RSF1: variants seen among roughly 807,000 people sequenced by gnomAD.
The protein encoded by RSF1 is HBV pX-associated protein 8.
RSF1 carries 13 observed loss-of-function variants against 145.2 expected under a neutral mutation model. The ratio of observed to expected loss-of-function variants is 0.09; its 90% CI spans 0.06 to 0.14. The LOEUF is 0.14. Among genes scored for constraint, RSF1 ranks in the 10% least tolerant of loss-of-function variants. RSF1 has a pLI of 1.00. For synonymous variants in RSF1, 577 were observed against 592.6 expected (o/e 0.97, Z 0.38); for missense variants, 1,517 against 1,718.2 (o/e 0.88, Z 2.07).
intron 1 of RSF1, 66 bp from the exon 2 acceptor site, chr11:77,764,755 T>G: frequency 9.9e-7 from 1 of 1,010,608 alleles, no homozygotes; most frequent in Non-Finnish European, 1.5e-6. Context: ...TTTAAGATAA[T>G]AAAAAAATAA....
In RSF1 at chr11:77,740,935, T is replaced by A; in HGVS notation, c.374A>T (p.Tyr125Phe). ...GTCATCAAACTGACACTCACAGAGG[T>A]ACTGAAAAATAGTCATAACATGACT... ...SVECKLALLK[Y>F]LCECQFDDNL... Residue 125 changes from tyrosine to phenylalanine, a missense_variant and splice_region_variant, in exon 4 of 16, where the codon TAC (tyrosine) becomes TTC (phenylalanine). Around this residue, in one of 12 missense-constraint regions of RSF1, gnomAD observed 94 missense variants for 143.6 expected, o/e 0.65. Transcript: ENST00000308488. The A allele has an allele frequency of 1.2e-6, 2 of 1,609,024 alleles. No individual in the cohort carries two copies. Among genetic ancestry groups the A allele is most frequent in the Non-Finnish European group, 1.7e-6 (2 of 1,175,790 alleles).
the RSF1 span, among the ~76,000 whole-genome samples, chr11:77,851,834 T>C: frequency 6.6e-6 from 1 of 152,144 alleles, no homozygotes; most frequent in South Asian, 2.1e-4. Context: ...TAAACCTCTT[T>C]TGTTTATAAA....
the RSF1 span, among the ~76,000 whole-genome samples, chr11:77,848,093 T>G: frequency 6.6e-6 from 1 of 152,206 alleles, no homozygotes; most frequent in African/African-American, 2.4e-5. Flanking sequence ...TCCATAGACA[T>G]TCTCACAGAC....
chr11:77,760,739 T>G (rs963587561), intron 2 of RSF1, among the ~76,000 whole-genome samples: 1 of 152,174 alleles, frequency 6.6e-6, no homozygotes, highest in Non-Finnish European at 1.5e-5. Flanking sequence ...CAGATGACAA[T>G]GGGCCTTTCT....
chr11:77,692,004 C>T (rs903235762), intron 8 of RSF1, among the ~76,000 whole-genome samples: 26 of 152,116 alleles, frequency 1.7e-4, no homozygotes, highest in Middle Eastern at 3.2e-3. Context: ...GATTCTGGTG[C>T]CTCAGTTTTC....
intron 1 of RSF1, among the ~76,000 whole-genome samples, chr11:77,814,840 T>C (rs1948766901): frequency 6.6e-6 from 1 of 152,256 alleles, no homozygotes; most frequent in Non-Finnish European, 1.5e-5. Context: ...GTCAGTTTCC[T>C]CTATTATTGT....
upstream of RSF1, among the ~76,000 whole-genome samples, chr11:77,825,646 T>A (rs150168925): frequency 1.4e-3 from 217 of 152,080 alleles, 1 homozygote; most frequent in African/African-American, 3.6e-3. Flanking sequence ...ACAACAGAAT[T>A]CTATTCATTG....
Position 77,805,205 on chromosome 11 carries a change from C to T in RSF1, c.187+15323G>A, listed in dbSNP as rs1948665568. Among the ~76,000 whole-genome samples the T allele has an allele frequency of 2.6e-5, 4 of 152,070 alleles. No homozygotes were observed. In the South Asian group the frequency reaches 6.2e-4, roughly 24 times the overall value. ...AGAATGTCTTGGCAGGGCACAGGCT[C>T]GTGCCTGTACTCCCCATGCTTTGGA... is the stretch of plus-strand genomic sequence containing the variant. On this transcript the variant is annotated intron_variant, in intron 1 of 15. Transcript: ENST00000308488.
At chr11:77,695,487 G>A (rs891698639) in intron 7 of RSF1, among the ~76,000 whole-genome samples, 4 of 152,068 alleles carry the variant, frequency 2.6e-5, no homozygotes, top group African/African-American at 9.7e-5. Flanking sequence ...ACAATCCAAA[G>A]CTATCATTAT....
chr11:77,670,435 A>G (rs1299830740), intron 15 of RSF1, among the ~76,000 whole-genome samples: 2 of 152,140 alleles, frequency 1.3e-5, no homozygotes, highest in African/African-American at 4.8e-5. Context: ...CTGAAATTCA[A>G]CTACTTTCCC....
Position 77,676,785 on chromosome 11 carries a change from C to T in RSF1, c.3341+7G>A, listed in dbSNP as rs1376425458. The T allele has an allele frequency of 6.2e-7, 1 of 1,612,704 alleles. No individual in the cohort carries two copies. Among genetic ancestry groups the T allele is most frequent in the Non-Finnish European group, 8.5e-7 (1 of 1,178,994 alleles). ...TAGGGATCGGGGCCTAGTAGGAGACCACACACCCATCACTGATCTTGAATT... is the reference window on the plus strand; with the variant it reads ...TAGGGATCGGGGCCTAGTAGGAGACTACACACCCATCACTGATCTTGAATT... On this transcript the variant is annotated splice_region_variant and intron_variant, in intron 13 of 15. Transcript: ENST00000308488.
At chr11:77,751,131 T>C (rs1002199910) in intron 2 of RSF1, among the ~76,000 whole-genome samples, 3 of 152,166 alleles carry the variant, frequency 2.0e-5, no homozygotes, top group African/African-American at 7.2e-5. Flanking sequence ...TTTTTAAAGG[T>C]TCCGTATCAG....
intron 1 of RSF1, among the ~76,000 whole-genome samples, chr11:77,787,086 T>C (rs1948463999): frequency 6.6e-6 from 1 of 151,982 alleles, no homozygotes; most frequent in African/African-American, 2.4e-5. Context: ...ATTTGCAGAG[T>C]CCCTCTGAGT....
intron 1 of RSF1, among the ~76,000 whole-genome samples, chr11:77,796,705 G>A (rs574092537): frequency 7.9e-5 from 12 of 152,326 alleles, no homozygotes; most frequent in East Asian, 5.8e-4. Context: ...GATAGGAAGA[G>A]AAGAAGTCAA....
upstream of RSF1, among the ~76,000 whole-genome samples, chr11:77,821,527 G>A (rs1157822526): frequency 2.0e-5 from 3 of 152,156 alleles, no homozygotes; most frequent in Non-Finnish European, 4.4e-5. Context: ...GGAATCGTCG[G>A]AGTGAGGAGT....
chr11:77,818,968 G>A (rs1371733908), intron 1 of RSF1, among the ~76,000 whole-genome samples: 1 of 152,138 alleles, frequency 6.6e-6, no homozygotes, highest in Non-Finnish European at 1.5e-5. Context: ...CAGGTAGAGG[G>A]AATGTGGACA....
chr11:77,725,695 G>A lies in RSF1; in HGVS notation c.583C>T (p.Arg195Ter). ...GCAAGAGTCTCAGCCAACTCGTTTC[G>A]ATTTCTAAACAAGGAAAAAAATAAG... ...GSSWKCIVRN[R>*]NELAETLALL... The change falls in exon 5 of 16, where the codon CGA (arginine) becomes TGA (stop). Residue 195 changes from arginine to a stop codon, truncating the protein, a stop_gained. Coordinates refer to ENST00000308488, the MANE Select transcript of RSF1 (RefSeq NM_016578.4). LOFTEE classifies it high-confidence loss of function. 1.3e-6 allele frequency: 2 copies of A among 1,561,326 alleles called. No homozygotes were observed. The highest frequency in any genetic ancestry group is 1.7e-6 in the Non-Finnish European group (2 of 1,154,844).
chr11:77,726,185 T>C (rs1381452242), intron 4 of RSF1, among the ~76,000 whole-genome samples: 1 of 152,226 alleles, frequency 6.6e-6, no homozygotes. Flanking sequence ...AAACATCAGT[T>C]CCAATAACAC....
intron 1 of RSF1, among the ~76,000 whole-genome samples, chr11:77,781,181 A>G (rs571308135): frequency 9.2e-5 from 14 of 152,118 alleles, no homozygotes; most frequent in Admixed American, 8.5e-4. Context: ...GCTCATTGCA[A>G]CCTTCACCTC....
Sources: gnomAD v4.1 joint callset for allele counts (sites outside exome capture counted in the v4.1 genomes callset) on GRCh38, gnomAD v4.1.1 for gene constraint, gnomAD v4.1.1 regional missense constraint, MANE v1.5 for transcripts, NCBI Gene and HGNC (gene_info 2026-07-23, HGNC 2026-07-21) for gene names.